CEP152: variants seen among roughly 807,000 people sequenced by gnomAD.
CEP152 encodes the protein centrosomal protein of 152 kDa.
CEP152 carries 132 observed loss-of-function variants against 188.9 expected under a neutral mutation model. That is an observed-to-expected ratio of 0.70 (90% CI 0.61 to 0.81). The LOEUF is 0.81. CEP152 is among the 30% of genes least tolerant of loss of function. The pLI, the probability that CEP152 is intolerant of heterozygous loss-of-function variation, is 0.00. For synonymous variants in CEP152, 649 were observed against 666.6 expected, an observed-to-expected ratio of 0.97 and a Z score of 0.41; for missense variants, 1,914 against 1,969.8, an observed-to-expected ratio of 0.97 and a Z score of 0.54.
intron 2 of CEP152, among the ~76,000 whole-genome samples, chr15:48,805,111 C>T (rs904465375): frequency 6.6e-6 from 1 of 152,190 alleles, no homozygotes; most frequent in African/African-American, 2.4e-5. Context: ...CATAGCACTC[C>T]AATTTGTTTC....
chr15:48,748,304 A>T, intron 22 of CEP152, 139 bp downstream of exon 22: 1 of 1,279,522 alleles, frequency 7.8e-7, no homozygotes, highest in Non-Finnish European at 9.9e-7. Context: ...TAATTTGATT[A>T]GTAAAAATAA....
chr15:48,782,535 G>A (rs1896322862), intron 10 of CEP152, among the ~76,000 whole-genome samples: 1 of 152,088 alleles, frequency 6.6e-6, no homozygotes, highest in Admixed American at 6.5e-5. Context: ...TTTAATAGGA[G>A]CGTAACACTC....
chr15:48,745,412 C>A (rs1405416946), intron 22 of CEP152, among the ~76,000 whole-genome samples: 1 of 151,776 alleles, frequency 6.6e-6, no homozygotes, highest in Non-Finnish European at 1.5e-5. Context: ...AAGTAGGTGT[C>A]TTTTTCAGAA....
intron 26 of CEP152, 57 bp downstream of exon 26, chr15:48,741,543 AT>A: frequency 6.2e-7 from 1 of 1,613,064 alleles, no homozygotes; most frequent in Non-Finnish European, 8.5e-7. Context: ...TACTGAAAAT[AT>A]TAAATAGCTA....
intron 12 of CEP152, among the ~76,000 whole-genome samples, chr15:48,775,422 T>C (rs1430896028): frequency 6.6e-6 from 1 of 152,038 alleles, no homozygotes; most frequent in Non-Finnish European, 1.5e-5. Context: ...AACCTATACA[T>C]TACTGACAGA....
At chr15:48,780,833 A>G (rs1469675911) in intron 12 of CEP152, among the ~76,000 whole-genome samples, 3 of 152,190 alleles carry the variant, frequency 2.0e-5, no homozygotes, top group Non-Finnish European at 4.4e-5. Flanking sequence ...CCTTCCACGC[A>G]GCAAGTGCTT....
intron 17 of CEP152, among the ~76,000 whole-genome samples, chr15:48,764,295 A>G (rs944720900): frequency 1.4e-4 from 22 of 152,140 alleles, no homozygotes; most frequent in African/African-American, 5.1e-4. Context: ...TTGATCTTTC[A>G]GCCACTTGCT....
rs189134450 is a variant in CEP152 at position 48,765,674 on chromosome 15, G to A, written c.2280+1386C>T. 6.6e-3 allele frequency: 2,009 copies of A among 304,208 alleles called. 10 individuals carry two copies. Among genetic ancestry groups the A allele is most frequent in the Non-Finnish European group, 8.7e-3 (1,515 of 174,834 alleles). 18.8% of individuals were successfully genotyped at this position (304,208 alleles called of 1,614,324 possible). On this transcript the variant is annotated intron_variant, in intron 17 of 26. Coordinates refer to ENST00000380950, the MANE Select transcript of CEP152 (RefSeq NM_001194998.2). Reference sequence around the variant, plus strand: ...TTTTTTTTTTTTTTTTTTTTTGAGAGACGGAGTTTCGCTCTGTCGCCCAGG... The same window carrying A: ...TTTTTTTTTTTTTTTTTTTTTGAGAAACGGAGTTTCGCTCTGTCGCCCAGG...
intron 2 of CEP152, among the ~76,000 whole-genome samples, chr15:48,803,094 A>C (rs1447796724): frequency 1.3e-5 from 2 of 152,242 alleles, no homozygotes; most frequent in Non-Finnish European, 2.9e-5. Flanking sequence ...ATCATCAGGG[A>C]TAAAGGCATT....
In CEP152 at chr15:48,756,512, A is replaced by C. The variant is rs1894286104; in HGVS notation, c.2736T>G (p.Ser912Arg). The change falls in exon 20 of 27, where the codon AGT becomes AGG. Residue 912 changes from serine to arginine, a missense_variant. Coordinates refer to ENST00000380950, the MANE Select transcript of CEP152 (RefSeq NM_001194998.2). ...TATTTTTCCTCATATTTTCAAGCTC[A>C]CTCTTCCATTTCTCTTTAGCTTCAG... ...AVSEAKEKWK[S>R]ELENMRKNIL... The C allele has an allele frequency of 6.2e-7, 1 of 1,609,420 alleles. No individual in the cohort carries two copies. Among genetic ancestry groups the C allele is most frequent in the African/African-American group, 1.3e-5 (1 of 74,932 alleles).
intron 1 of CEP152, among the ~76,000 whole-genome samples, chr15:48,806,421 T>G (rs1018667533): frequency 6.1e-5 from 9 of 148,090 alleles, no homozygotes; most frequent in African/African-American, 2.2e-4. Context: ...TTAGGGATCC[T>G]GACACTATAC....
chr15:48,744,478 T>C (rs1007725852), intron 23 of CEP152, 135 bp from the exon 24 acceptor site: 1 of 1,429,098 alleles, frequency 7.0e-7, no homozygotes, highest in Non-Finnish European at 9.4e-7. Context: ...CAATCTCCAC[T>C]ATACAGTTAT....
intron 12 of CEP152, among the ~76,000 whole-genome samples, chr15:48,774,477 A>C (rs1447012073): frequency 6.6e-6 from 1 of 152,184 alleles, no homozygotes; most frequent in Non-Finnish European, 1.5e-5. Flanking sequence ...TCCCGGAGAG[A>C]AAAGAACCAG....
Position 48,760,139 on chromosome 15 carries a change from T to C in CEP152, c.2690A>G (p.Lys897Arg), listed in dbSNP as rs1221558156. The change falls in exon 19 of 27, where the codon AAA (lysine) becomes AGA (arginine). Residue 897 changes from lysine to arginine, a missense_variant. Physicochemically the swap from Lys to Arg is conservative, Grantham distance 26. Transcript: ENST00000380950. ...WEEQHEVSVN[K>R]RISFAVSEAK... is the part of the protein sequence containing the mutation. ...TCTTTGCAGAAGAGCTCTTACCCTT[T>C]TGTTCACAGAGACCTCATGCTGTTC... The C allele has an allele frequency of 1.2e-6, 2 of 1,613,952 alleles. No individual in the cohort carries two copies. Among genetic ancestry groups the C allele is most frequent in the South Asian group, 2.2e-5 (2 of 91,064 alleles).
intron 2 of CEP152, among the ~76,000 whole-genome samples, chr15:48,800,719 T>C (rs1390177275): frequency 6.6e-6 from 1 of 152,216 alleles, no homozygotes; most frequent in Non-Finnish European, 1.5e-5. Context: ...TTACTGTGTA[T>C]TAACCGAGTT....
chr15:48,758,054 T>G (rs1175071528), intron 19 of CEP152, among the ~76,000 whole-genome samples: 1 of 152,238 alleles, frequency 6.6e-6, no homozygotes, highest in African/African-American at 2.4e-5. Flanking sequence ...CCTGAGCAGC[T>G]TTTAAAAATC....
intron 20 of CEP152, among the ~76,000 whole-genome samples, chr15:48,754,023 A>G (rs1443742896): frequency 3.9e-5 from 6 of 152,212 alleles, no homozygotes; most frequent in Non-Finnish European, 7.3e-5. Flanking sequence ...TACAGCACCT[A>G]TGTAACAAAT....
intron 7 of CEP152, among the ~76,000 whole-genome samples, chr15:48,792,211 C>T (rs925817212): frequency 6.6e-6 from 1 of 151,996 alleles, no homozygotes; most frequent in Non-Finnish European, 1.5e-5. Context: ...AGGATGATCT[C>T]GATCTCCTGA....
chr15:48,753,161 T>C (rs1038776117), intron 20 of CEP152, among the ~76,000 whole-genome samples: 1 of 152,176 alleles, frequency 6.6e-6, no homozygotes, highest in Non-Finnish European at 1.5e-5. Context: ...TGTTTTGAGA[T>C]GGAGTCCTCC....
Sources: allele counts gnomAD v4.1 joint callset (sites outside exome capture counted in the v4.1 genomes callset), GRCh38; gene constraint gnomAD v4.1.1; transcripts MANE v1.5; gene names NCBI Gene and HGNC (gene_info 2026-07-23, HGNC 2026-07-21).